MCU: variants seen among roughly 807,000 people sequenced by gnomAD.
MCU encodes calcium uniporter protein, mitochondrial.
A neutral mutation model predicts 45.2 loss-of-function variants in MCU; 12 were observed. The observed-to-expected ratio is 0.27, with a 90% CI of 0.17 to 0.43. The LOEUF is 0.43. Ranked by LOEUF, MCU falls within the 20% of genes least tolerant of loss-of-function variation. The pLI is 1.00. For synonymous variants in MCU, 160 were observed against 165.1 expected, an observed-to-expected ratio of 0.97 and a Z score of 0.24; for missense variants, 324 against 436.7, an observed-to-expected ratio of 0.74 and a Z score of 2.30.
At chr10:72,701,357 C>T (rs1282586474) in intron 1 of MCU, among the ~76,000 whole-genome samples, 1 of 152,158 alleles carries the variant, frequency 6.6e-6, no homozygotes, top group Non-Finnish European at 1.5e-5. Flanking sequence ...CACTGAAAGG[C>T]AGGACGCATG....
At chr10:72,757,297 GA>G (rs1843592105) in intron 1 of MCU, among the ~76,000 whole-genome samples, 1 of 152,142 alleles carries the variant, frequency 6.6e-6, no homozygotes, top group African/African-American at 2.4e-5. Context: ...TCCAGCTGAA[GA>G]AACAAGGGAG....
chr10:72,745,700 TACCATAA>T (rs1843406101), intron 1 of MCU, among the ~76,000 whole-genome samples: 2 of 152,300 alleles, frequency 1.3e-5, no homozygotes, highest in South Asian at 4.1e-4. Context: ...CATATATCAT[TACCATAA>T]AATGGTATAT....
intron 1 of MCU, chr10:72,766,476 G>C (rs536376228): frequency 1.3e-5 from 2 of 152,278 alleles, no homozygotes; most frequent in East Asian, 1.9e-4. Flanking sequence ...ATTACACATA[G>C]ATCATTGAAG....
chr10:72,830,831 G>A (rs971661814), intron 1 of MCU, among the ~76,000 whole-genome samples: 5 of 152,150 alleles, frequency 3.3e-5, no homozygotes, highest in African/African-American at 1.2e-4. Context: ...ACCTGTGGTC[G>A]CAGATCCCCA....
chr10:72,872,898 C>T lies in MCU; in HGVS notation c.861+1318C>T, dbSNP rs7894141. On this transcript the variant is annotated intron_variant, in intron 6 of 7. Transcript: ENST00000373053. ...TTACATTCCCAGCATTTCTCCACAT[C>T]CTCACCAGCATTTGATATTCTTTTT... Among the ~76,000 whole-genome samples the T allele has an allele frequency of 7.8e-3, 1,182 of 152,058 alleles. 18 individuals are homozygous for T. Among genetic ancestry groups the T allele is most frequent in the African/African-American group, 0.027 (1,117 of 41,470 alleles).
At chr10:72,741,927 C>T (rs976402470) in intron 1 of MCU, among the ~76,000 whole-genome samples, 1 of 143,692 alleles carries the variant, frequency 7.0e-6, no homozygotes, top group African/African-American at 2.6e-5. Context: ...ACTGGGGAGG[C>T]TGAGGCAGGA....
intron 1 of MCU, among the ~76,000 whole-genome samples, chr10:72,805,648 CATTT>C (rs1462961163): frequency 6.6e-6 from 1 of 152,010 alleles, no homozygotes; most frequent in Non-Finnish European, 1.5e-5. Context: ...TCCCCCTTGC[CATTT>C]ATTTGTTGAA....
At chr10:72,832,934 A>ATGTGTGTG (rs6143982) in intron 1 of MCU, among the ~76,000 whole-genome samples, 4,039 of 143,858 alleles carry the variant, frequency 0.028, 172 homozygotes, top group African/African-American at 0.094. Flanking sequence ...ACCAATAGCT[A>ATGTGTGTG]TGTGTGTGTG....
Position 72,834,447 on chromosome 10 carries a change from A to G in MCU, c.220+19A>G, listed in dbSNP as rs772566406. The G allele has an allele frequency of 6.3e-7, 1 of 1,599,912 alleles. No individual in the cohort carries two copies. The highest frequency in any genetic ancestry group is 1.1e-5 in the South Asian group (1 of 90,074). On this transcript the variant is annotated intron_variant, in intron 2 of 7. Transcript: ENST00000373053. ...TCTGATGGTGAGTTTCAGCAAATCC[A>G]CCTTTTATGTCTAATATTATTTCCT...
chr10:72,762,971 C>T (rs1843675710), intron 1 of MCU, among the ~76,000 whole-genome samples: 1 of 152,098 alleles, frequency 6.6e-6, no homozygotes, highest in African/African-American at 2.4e-5. Flanking sequence ...AATCTGTTTC[C>T]TTGCCTTTTC....
At chr10:72,843,762 A>C (rs12764943) in intron 2 of MCU, among the ~76,000 whole-genome samples, 82,363 of 151,982 alleles carry the variant, frequency 0.54, 23,916 homozygotes, top group Non-Finnish European at 0.67. Flanking sequence ...AACAGTAATG[A>C]ATGAGAGTTC....
intron 1 of MCU, among the ~76,000 whole-genome samples, chr10:72,706,862 C>T (rs1218795022): frequency 7.0e-6 from 1 of 143,416 alleles, no homozygotes; most frequent in African/African-American, 2.7e-5. Flanking sequence ...GACAGTCTCA[C>T]TCTGTCGCCC....
intron 1 of MCU, among the ~76,000 whole-genome samples, chr10:72,810,542 A>G (rs1166209680): frequency 2.2e-5 from 3 of 134,864 alleles, no homozygotes; most frequent in African/African-American, 8.6e-5. Flanking sequence ...ATCTCGGCTC[A>G]CTGCAACCTC....
chr10:72,752,944 G>GT (rs1422426296), intron 1 of MCU, among the ~76,000 whole-genome samples: 11 of 152,186 alleles, frequency 7.2e-5, no homozygotes, highest in Admixed American at 3.9e-4. Context: ...AGAAGATGCA[G>GT]TTATGCCATC....
chr10:72,801,775 G>A (rs1844345698), intron 1 of MCU, among the ~76,000 whole-genome samples: 1 of 150,412 alleles, frequency 6.6e-6, no homozygotes, highest in African/African-American at 2.5e-5. Context: ...AGGCTCAAGC[G>A]AACCTCTTGC....
chr10:72,695,627 C>G (rs1263641124), intron 1 of MCU, among the ~76,000 whole-genome samples: 3 of 151,968 alleles, frequency 2.0e-5, no homozygotes, highest in African/African-American at 7.3e-5. Context: ...GCACTTTACA[C>G]ATGAGGAAAC....
chr10:72,751,879 G>T (rs1013644892), intron 1 of MCU, among the ~76,000 whole-genome samples: 2 of 150,760 alleles, frequency 1.3e-5, no homozygotes, highest in Admixed American at 1.3e-4. Flanking sequence ...TGGCTCTGTC[G>T]CCCAGGCTGG....
chr10:72,880,120 A>G (rs1462075334), intron 6 of MCU, among the ~76,000 whole-genome samples: 2 of 152,252 alleles, frequency 1.3e-5, no homozygotes, highest in Non-Finnish European at 1.5e-5. Context: ...TAGACTTAAA[A>G]TGTTCTAATA....
intron 1 of MCU, among the ~76,000 whole-genome samples, chr10:72,697,486 T>A (rs1468047505): frequency 7.1e-6 from 1 of 141,000 alleles, no homozygotes; most frequent in Non-Finnish European, 1.5e-5. Flanking sequence ...CAGGCTGGAG[T>A]GCAGTGGTGT....
Sources: gnomAD v4.1 joint callset for allele counts (sites outside exome capture counted in the v4.1 genomes callset) on GRCh38, gnomAD v4.1.1 for gene constraint, MANE v1.5 for transcripts, NCBI Gene and HGNC (gene_info 2026-07-23, HGNC 2026-07-21) for gene names.